CPAMD8: variants seen among roughly 807,000 people sequenced by gnomAD.
CPAMD8 encodes C3 and PZP-like alpha-2-macroglobulin domain-containing protein 8.
A neutral mutation model predicts 224.7 loss-of-function variants in CPAMD8; 146 were observed. The observed-to-expected ratio is 0.65, with a 90% CI of 0.57 to 0.75. The LOEUF (loss-of-function observed/expected upper bound fraction) is 0.75, where lower values mean the gene tolerates loss of function less well. Ranked by LOEUF, CPAMD8 falls within the 30% of genes least tolerant of loss-of-function variation. The pLI is 0.00. For synonymous variants in CPAMD8, 966 were observed against 1,044.6 expected (o/e 0.92, Z 1.45); for missense variants, 2,301 against 2,537.5 (o/e 0.91, Z 2.00).
intron 3 of CPAMD8, among the ~76,000 whole-genome samples, chr19:17,015,447 G>A (rs1024651662): frequency 4.0e-5 from 6 of 151,898 alleles, no homozygotes; most frequent in African/African-American, 1.2e-4. Flanking sequence ...GGGTGAGGTC[G>A]GGGTGCACTA....
intron 23 of CPAMD8, among the ~76,000 whole-genome samples, chr19:16,935,336 C>T (rs1298584028): frequency 1.3e-5 from 2 of 152,160 alleles, no homozygotes; most frequent in African/African-American, 4.8e-5. Flanking sequence ...AATCCACTAC[C>T]ACAGTCAAGG....
chr19:17,004,229 C>T, intron 8 of CPAMD8, 44 bp downstream of exon 8: 1 of 1,363,974 alleles, frequency 7.3e-7, no homozygotes, highest in Non-Finnish European at 1.0e-6. Flanking sequence ...TCTAAGGTTT[C>T]TCCCAGATCT....
Position 16,921,978 on chromosome 19 carries a change from G to T in CPAMD8, c.3556C>A (p.Arg1186Ser). The T allele has an allele frequency of 6.5e-7, 1 of 1,547,612 alleles. No individual in the cohort carries two copies. Among genetic ancestry groups the T allele is most frequent in the African/African-American group, 1.4e-5 (1 of 73,152 alleles). The change falls in exon 27 of 42, where the codon CGC becomes AGC. Residue 1186 changes from arginine (R) to serine (S), a missense_variant. By Grantham distance (110) the Arg-to-Ser change is moderately radical. Coordinates refer to ENST00000443236, the MANE Select transcript of CPAMD8 (RefSeq NM_015692.5). ...TTDYLVQGYQRQLTYKRQDGS... is the reference protein window; with the variant it reads ...TTDYLVQGYQSQLTYKRQDGS... The stretch of plus-strand genomic sequence containing the variant: ...TCCTGGCGCTTGTAGGTCAGCTGGC[G>T]CTGGTAGCCTGTGGGGCAAGCAGAG...
chr19:16,942,812 T>C (rs1442720159), intron 22 of CPAMD8, among the ~76,000 whole-genome samples: 2 of 152,176 alleles, frequency 1.3e-5, no homozygotes, highest in Non-Finnish European at 2.9e-5. Context: ...TCTTTCTGGC[T>C]TGGGGCCAGA....
chr19:17,007,533 G>A (rs1323178540), intron 7 of CPAMD8, among the ~76,000 whole-genome samples: 2 of 151,914 alleles, frequency 1.3e-5, no homozygotes, highest in Non-Finnish European at 1.5e-5. Flanking sequence ...GAAGGAAGAT[G>A]AAGAAGAAGA....
At chr19:16,979,626 T>TC (rs2055435391) in intron 14 of CPAMD8, among the ~76,000 whole-genome samples, 2 of 128,964 alleles carry the variant, frequency 1.6e-5, no homozygotes, top group Admixed American at 7.5e-5. Context: ...ATCCATCCAT[T>TC]CATCCATCTT....
At chr19:16,981,464 T>C (rs1056857823) in intron 13 of CPAMD8, among the ~76,000 whole-genome samples, 10 of 152,204 alleles carry the variant, frequency 6.6e-5, no homozygotes, top group Admixed American at 1.3e-4. Flanking sequence ...AGTTGGGTCC[T>C]ATCATAGTCC....
rs1054730764 is a variant in CPAMD8 at position 16,903,547 on chromosome 19, C to T, written c.4470+14G>A. 1.8e-5 allele frequency: 29 copies of T among 1,613,978 alleles called. No homozygotes were observed. The highest frequency in any genetic ancestry group is 2.4e-5 in the Non-Finnish European group (28 of 1,179,988). ...GACAAGCCCAAGATCACCTCGTGCT[C>T]CCCAAAACCTCACCTGCATCAGGCA... is the stretch of plus-strand genomic sequence containing the variant. On this transcript the variant is annotated intron_variant, in intron 34 of 41. Coordinates refer to ENST00000443236, the MANE Select transcript of CPAMD8 (RefSeq NM_015692.5).
At chr19:16,943,937 G>T (rs1316782986) in intron 22 of CPAMD8, among the ~76,000 whole-genome samples, 2 of 152,070 alleles carry the variant, frequency 1.3e-5, no homozygotes, top group Non-Finnish European at 2.9e-5. Context: ...GAATTTCACT[G>T]AAGTGAAATT....
chr19:17,002,255 C>T lies in CPAMD8; in HGVS notation c.758+11G>A. 1 of 1,574,454 alleles carries T rather than the reference C, an allele frequency of 6.4e-7. No individual in the cohort carries two copies. Among genetic ancestry groups the T allele is most frequent in the South Asian group, 1.1e-5 (1 of 87,782 alleles). On this transcript the variant is annotated intron_variant, in intron 9 of 41. Transcript: ENST00000443236. ...CCCCCCCAGTGTGCCCCAGGGGTCC[C>T]TCTTTCTCACCTGGCCCGCACAGTG...
rs2052077677 is a variant in CPAMD8 at position 16,897,704 on chromosome 19, A to T, written c.5052T>A (p.Pro1684=). The change falls in exon 39 of 42, where the codon CCT becomes CCA. Residue 1684 remains proline, a synonymous_variant. Transcript: ENST00000443236. The part of the protein sequence containing the change: ...GPACNEVERA[P]ARGPGWFPGE... ...CCGCGCACTCACCCGGGCCCCGGGC[A>T]GGGGCGCGCTCCACTTCGTTGCACG... 1 of 1,537,830 alleles carries T rather than the reference A, an allele frequency of 6.5e-7. No homozygotes were observed. The highest frequency in any genetic ancestry group is 1.2e-5 in the South Asian group (1 of 82,882).
chr19:16,924,734 C>T (rs1390577109), intron 26 of CPAMD8, among the ~76,000 whole-genome samples: 1 of 152,126 alleles, frequency 6.6e-6, no homozygotes, highest in Non-Finnish European at 1.5e-5. Flanking sequence ...GGGTGTGCCA[C>T]CATGTCTGGC....
chr19:16,954,348 GAAAA>G (rs2054394959), intron 19 of CPAMD8, among the ~76,000 whole-genome samples: 1 of 148,374 alleles, frequency 6.7e-6, no homozygotes, highest in Non-Finnish European at 1.5e-5. Flanking sequence ...AAAAAAAAAA[GAAAA>G]GAAAGAAAAA....
rs745662657 is a variant in CPAMD8, at chr19:16,975,184, C to G, written c.1983G>C (p.Trp661Cys). 6.2e-7 allele frequency: 1 copy of G among 1,612,014 alleles called. No individual in the cohort carries two copies. Among genetic ancestry groups the G allele is most frequent in the African/African-American group, 1.3e-5 (1 of 74,998 alleles). The change falls in exon 17 of 42, where the codon TGG (tryptophan) becomes TGC (cysteine). Residue 661 changes from tryptophan (W) to cysteine (C), a missense_variant. Physicochemically the swap from Trp to Cys is radical, Grantham distance 215. Coordinates refer to ENST00000443236, the MANE Select transcript of CPAMD8 (RefSeq NM_015692.5). ...GGCGTCGTTGTGCCGTCAGCCCAGCCCACCAAAAAGGACCATCCTCCCTGG... is the reference window on the plus strand; with the variant it reads ...GGCGTCGTTGTGCCGTCAGCCCAGCGCACCAAAAAGGACCATCCTCCCTGG... ...GVSREDGPFWWAGLTAQRRRR... is the reference protein window; with the variant it reads ...GVSREDGPFWCAGLTAQRRRR...
intron 20 of CPAMD8, among the ~76,000 whole-genome samples, chr19:16,948,936 GA>G (rs2054208043): frequency 1.2e-5 from 1 of 86,666 alleles, no homozygotes; most frequent in African/African-American, 4.5e-5. Flanking sequence ...GTGGAGGGGA[GA>G]GGAGCAGAGG....
At chr19:17,024,077 A>T (rs752621275) in intron 1 of CPAMD8, among the ~76,000 whole-genome samples, 13 of 152,224 alleles carry the variant, frequency 8.5e-5, no homozygotes, top group Non-Finnish European at 1.8e-4. Context: ...TTTCTTGAGT[A>T]AGATACCAAA....
rs2053461281 is a variant in CPAMD8, at chr19:16,928,997, A to G, written c.3089T>C (p.Leu1030Pro). The G allele has an allele frequency of 4.3e-6, 7 of 1,613,866 alleles. No individual in the cohort carries two copies. The highest frequency in any genetic ancestry group is 5.9e-6 in the Non-Finnish European group (7 of 1,179,986). Reference sequence around the variant, plus strand: ...GAATGTTCTGAATTCATCCCAGGAGAGGATCTTGGCCGTGTGTGCACTGGC... The same window carrying G: ...GAATGTTCTGAATTCATCCCAGGAGGGGATCTTGGCCGTGTGTGCACTGGC... ...PVASAHTAKILSWDEFRTFWI... is the reference protein window; with the variant it reads ...PVASAHTAKIPSWDEFRTFWI... The change falls in exon 24 of 42, where the codon CTC becomes CCC. Residue 1030 changes from leucine (L) to proline (P), a missense_variant. Physicochemically the swap from Leu to Pro is moderately conservative, Grantham distance 98. Transcript: ENST00000443236.
intron 25 of CPAMD8, 119 bp downstream of exon 25, chr19:16,927,890 A>G: frequency 2.7e-6 from 2 of 731,370 alleles, no homozygotes; most frequent in East Asian, 2.5e-5. Context: ...GAGTGGGTGT[A>G]TGGGTGGACA....
At chr19:16,938,523 C>T (rs2053776236) in intron 22 of CPAMD8, 77 bp from the exon 23 acceptor site, 1 of 770,034 alleles carries the variant, frequency 1.3e-6, no homozygotes, top group Non-Finnish European at 2.2e-6. Context: ...AGCTGGCTCT[C>T]CCACAGCAAT....
Sources: allele counts gnomAD v4.1 joint callset (sites outside exome capture counted in the v4.1 genomes callset), GRCh38; gene constraint gnomAD v4.1.1; transcripts MANE v1.5; gene names NCBI Gene and HGNC (gene_info 2026-07-23, HGNC 2026-07-21).